ZNF780B: variants seen among roughly 807,000 people sequenced by gnomAD.
ZNF780B encodes zinc finger protein 779.
Under a neutral mutation model 74.1 loss-of-function variants are expected in ZNF780B, and 52 were observed. The observed-to-expected ratio is 0.70, with a 90% CI of 0.56 to 0.88. The LOEUF (loss-of-function observed/expected upper bound fraction) is 0.88, where lower values mean the gene tolerates loss of function less well. Among genes scored for constraint, ZNF780B ranks in the 40% least tolerant of loss-of-function variants. The pLI is 0.00. For synonymous variants in ZNF780B, 315 were observed against 324.3 expected, an observed-to-expected ratio of 0.97 and a Z score of 0.31; for missense variants, 953 against 1,007.6, an observed-to-expected ratio of 0.95 and a Z score of 0.73.
intron 4 of ZNF780B, among the ~76,000 whole-genome samples, chr19:40,038,730 T>C (rs1363602340): frequency 6.6e-6 from 1 of 152,250 alleles, no homozygotes; most frequent in Non-Finnish European, 1.5e-5. Flanking sequence ...GAAGCGTCTG[T>C]TCACATCCTT....
At chr19:40,036,752 A>G in intron 4 of ZNF780B, 126 bp from the exon 5 acceptor site, 1 of 609,484 alleles carries the variant, frequency 1.6e-6, no homozygotes, top group Non-Finnish European at 2.7e-6. Flanking sequence ...AAAAAGGAAA[A>G]GGGTGCCAAT....
At chr19:40,040,047 T>C (rs1383529171) in intron 4 of ZNF780B, among the ~76,000 whole-genome samples, 2 of 152,144 alleles carry the variant, frequency 1.3e-5, no homozygotes, top group African/African-American at 2.4e-5. Flanking sequence ...GGCTGTGGGT[T>C]TGTCATAGAT....
Position 40,030,901 on chromosome 19 carries a change from C to T in ZNF780B, c.*3456G>A, listed in dbSNP as rs1009102018. The T allele has an allele frequency of 6.6e-6, 1 of 152,074 alleles. No homozygotes were observed. Among genetic ancestry groups the T allele is most frequent in the Admixed American group, 6.5e-5 (1 of 15,278 alleles). 9.4% of individuals were successfully genotyped at this position (152,074 alleles called of 1,614,324 possible). On this transcript the variant is annotated 3_prime_UTR_variant, in exon 5 of 5. Coordinates refer to ENST00000434248, the MANE Select transcript of ZNF780B (RefSeq NM_001005851.3). Reference sequence around the variant, plus strand: ...TGAAACTGGAAATAAAAAATAGGAACATAAGATTTGAAAGCCAAGTTTTAT... The same window carrying T: ...TGAAACTGGAAATAAAAAATAGGAATATAAGATTTGAAAGCCAAGTTTTAT...
Position 40,034,232 on chromosome 19 carries a change from A to T in ZNF780B, c.*125T>A. The T allele has an allele frequency of 1.2e-6, 1 of 821,048 alleles. No homozygotes were observed. The highest frequency in any genetic ancestry group is 1.9e-6 in the Non-Finnish European group (1 of 513,700). 50.9% of individuals were successfully genotyped at this position (821,048 alleles called of 1,614,324 possible). A position where few individuals can be genotyped will look rare whatever the true frequency, so the allele number is the denominator to read the frequency against. The stretch of plus-strand genomic sequence containing the variant: ...TCTGATGTACTCTAAGGTTTCTACC[A>T]CTGGTAAAGCATTTCCCACATCCTT... On this transcript the variant is annotated 3_prime_UTR_variant, in exon 5 of 5. Transcript: ENST00000434248.
intron 4 of ZNF780B, among the ~76,000 whole-genome samples, chr19:40,041,349 G>A (rs1294200985): frequency 8.5e-5 from 13 of 152,182 alleles, no homozygotes; most frequent in Non-Finnish European, 1.3e-4. Context: ...TTTGGAATAG[G>A]TGTGGTGTGG....
chr19:40,051,363 T>G (rs185131323), intron 1 of ZNF780B, among the ~76,000 whole-genome samples: 157 of 152,282 alleles, frequency 1.0e-3, no homozygotes, highest in African/African-American at 3.7e-3. Flanking sequence ...TTAGACATTT[T>G]CCTTTCAACG....
chr19:40,050,234 T>C (rs1310650433), intron 2 of ZNF780B, 90 bp downstream of exon 2: 2 of 985,130 alleles, frequency 2.0e-6, no homozygotes, highest in African/African-American at 3.5e-5. Context: ...TCGTGGATCC[T>C]TACGTAAGAA....
At chr19:40,049,576 A>C (rs989575829) in intron 2 of ZNF780B, among the ~76,000 whole-genome samples, 1 of 152,180 alleles carries the variant, frequency 6.6e-6, no homozygotes. Flanking sequence ...TCACGCTTGC[A>C]GACTGAGGCC....
At chr19:40,042,671 C>T (rs1039986128) in intron 4 of ZNF780B, among the ~76,000 whole-genome samples, 1 of 152,192 alleles carries the variant, frequency 6.6e-6, no homozygotes. Flanking sequence ...ATCACTGATA[C>T]CCTTTCTTCC....
intron 4 of ZNF780B, among the ~76,000 whole-genome samples, chr19:40,042,887 C>T (rs1437370557): frequency 6.6e-6 from 1 of 152,068 alleles, no homozygotes; most frequent in African/African-American, 2.4e-5. Context: ...TGTCTGAAGA[C>T]TTCTTCTCTC....
In ZNF780B at chr19:40,034,404, C is replaced by G. The variant is rs767043446; in HGVS notation, c.2455G>C (p.Asp819His). The change falls in exon 5 of 5, where the codon GAC becomes CAC. Residue 819 changes from aspartate (D) to histidine (H), a missense_variant. Physicochemically the swap from Asp to His is moderately conservative, Grantham distance 81. Coordinates refer to ENST00000434248, the MANE Select transcript of ZNF780B (RefSeq NM_001005851.3). ...ATGTTCAGTAAGTTGCTACTGATGT[C>G]TGAAGGCTGTCCCACATTTCTTACA... ...LNVRNVGQPS[D>H]ISSNLLNIRK... 1.6e-5 allele frequency: 26 copies of G among 1,613,616 alleles called. No homozygotes were observed. Among genetic ancestry groups the G allele is most frequent in the Non-Finnish European group, 2.2e-5 (26 of 1,179,714 alleles).
At position 40,030,784 on chromosome 19, in the gene ZNF780B, G is replaced by C. The variant is rs1302244291; in HGVS notation, c.*3573C>G. On this transcript the variant is annotated 3_prime_UTR_variant, in exon 5 of 5. Transcript: ENST00000434248. The stretch of plus-strand genomic sequence containing the variant: ...ACTCTTAATGATACTACCGGGATGT[G>C]CAATGACCCAGAAAGGAGTTGTGCT... 1 of 152,282 alleles carries C rather than the reference G, an allele frequency of 6.6e-6. No homozygotes were observed. Among genetic ancestry groups the C allele is most frequent in the East Asian group, 1.9e-4 (1 of 5,184 alleles). 9.4% of individuals were successfully genotyped at this position (152,282 alleles called of 1,614,324 possible).
At chr19:40,040,567 G>A (rs948350776) in intron 4 of ZNF780B, among the ~76,000 whole-genome samples, 5 of 152,120 alleles carry the variant, frequency 3.3e-5, no homozygotes, top group African/African-American at 1.2e-4. Context: ...GTAAGCTATT[G>A]ATTATTGCCA....
In ZNF780B at chr19:40,034,586, C is replaced by T. The variant is rs918522632; in HGVS notation, c.2273G>A (p.Cys758Tyr). 6.8e-6 allele frequency: 11 copies of T among 1,613,900 alleles called. No homozygotes were observed. Among genetic ancestry groups the T allele is most frequent in the African/African-American group, 1.3e-5 (1 of 74,872 alleles). ...TGEKPFKCKE[C>Y]GKAFNRGSNL... Reference sequence around the variant, plus strand: ...TGAGCCACGATTAAAGGCCTTCCCACACTCCTTACATTTAAATGGCTTCTC... The same window carrying T: ...TGAGCCACGATTAAAGGCCTTCCCATACTCCTTACATTTAAATGGCTTCTC... The change falls in exon 5 of 5, where the codon TGT (cysteine) becomes TAT (tyrosine). Residue 758 changes from cysteine to tyrosine, a missense_variant. Transcript: ENST00000434248.
rs1271632015 is a variant in ZNF780B at position 40,031,809 on chromosome 19, C to T, written c.*2548G>A. The T allele has an allele frequency of 7.5e-6, 2 of 268,130 alleles. No homozygotes were observed. The highest frequency in any genetic ancestry group is 8.5e-5 in the East Asian group (1 of 11,778). 16.6% of individuals were successfully genotyped at this position (268,130 alleles called of 1,614,324 possible). A position where few individuals can be genotyped will look rare whatever the true frequency, so the allele number is the denominator to read the frequency against. On this transcript the variant is annotated 3_prime_UTR_variant, in exon 5 of 5. Coordinates refer to ENST00000434248, the MANE Select transcript of ZNF780B (RefSeq NM_001005851.3). ...GTATTCAATCCAGGGCTTAAGTACA[C>T]GTGACTATAACTTTTCAGAGATGAC... is the stretch of plus-strand genomic sequence containing the variant.
chr19:40,046,259 A>G, intron 4 of ZNF780B, among the ~76,000 whole-genome samples: 1 of 152,238 alleles, frequency 6.6e-6, no homozygotes, highest in Non-Finnish European at 1.5e-5. Context: ...AAATGTTCCT[A>G]TCAGAAAGAA....
chr19:40,053,668 T>C (rs1973342935), intron 1 of ZNF780B, among the ~76,000 whole-genome samples: 1 of 152,162 alleles, frequency 6.6e-6, no homozygotes, highest in Admixed American at 6.5e-5. Context: ...TAACTGTCTA[T>C]CAATGAATGG....
intron 4 of ZNF780B, among the ~76,000 whole-genome samples, chr19:40,039,765 C>G (rs952974480): frequency 1.2e-4 from 18 of 152,232 alleles, no homozygotes; most frequent in Admixed American, 9.2e-4. Flanking sequence ...GATTTTGTAT[C>G]CTGAAACTTT....
intron 1 of ZNF780B, among the ~76,000 whole-genome samples, chr19:40,054,542 C>A (rs2144859219): frequency 6.6e-6 from 1 of 152,270 alleles, no homozygotes; most frequent in East Asian, 1.9e-4. Context: ...GAACTTCTGT[C>A]CTAGATCATT....
Sources: gnomAD v4.1 joint callset for allele counts (sites outside exome capture counted in the v4.1 genomes callset) on GRCh38, gnomAD v4.1.1 for gene constraint, MANE v1.5 for transcripts, NCBI Gene and HGNC (gene_info 2026-07-23, HGNC 2026-07-21) for gene names.